Variants in CATSPERB observed in about 807,000 individuals in gnomAD.
CATSPERB encodes the protein catsper channel auxiliary subunit beta, also known as cation channel sperm-associated auxiliary subunit beta.
A neutral mutation model predicts 128.3 loss-of-function variants in CATSPERB; 93 were observed. The observed-to-expected ratio is 0.72, with a 90% CI of 0.61 to 0.86. The LOEUF (loss-of-function observed/expected upper bound fraction) is 0.86. CATSPERB is among the 40% of genes least tolerant of loss of function. The pLI is 0.00. For missense variants in CATSPERB, 1,153 were observed against 1,329.5 expected (o/e 0.87, Z 2.06); for synonymous variants, 381 against 448.8 (o/e 0.85, Z 1.91).
chr14:91,625,107 A>T (rs538467180), intron 17 of CATSPERB, 100 bp from the exon 18 acceptor site: 1 of 669,860 alleles, frequency 1.5e-6, no homozygotes, highest in South Asian at 2.5e-5. Context: ...ACCACAAATA[A>T]CTAACAAATA....
chr14:91,581,155 CA>C, intron 26 of CATSPERB, 48 bp from the exon 27 acceptor site: 1 of 1,452,216 alleles, frequency 6.9e-7, no homozygotes, highest in South Asian at 1.2e-5. Flanking sequence ...TTTAGCAATG[CA>C]AAACACTGAA....
intron 12 of CATSPERB, 115 bp downstream of exon 12, chr14:91,674,061 G>T (rs1312205126): frequency 6.3e-6 from 4 of 633,686 alleles, no homozygotes; most frequent in Middle Eastern, 2.6e-4. Context: ...GGAGCAAAGA[G>T]TGATTGTGAA....
At chr14:91,646,490 T>C (rs1743122) in intron 15 of CATSPERB, among the ~76,000 whole-genome samples, 27,949 of 152,116 alleles carry the variant, frequency 0.18, 2,739 homozygotes, top group South Asian at 0.23. Context: ...TCATCCACTC[T>C]CCTCATCAAA....
At chr14:91,683,441 C>T (rs1240544674) in intron 11 of CATSPERB, among the ~76,000 whole-genome samples, 1 of 152,140 alleles carries the variant, frequency 6.6e-6, no homozygotes, top group Non-Finnish European at 1.5e-5. Flanking sequence ...TTGCTTTTAG[C>T]CTTGAAAGCA....
At chr14:91,641,369 G>C (rs1309139688) in intron 15 of CATSPERB, among the ~76,000 whole-genome samples, 1 of 149,576 alleles carries the variant, frequency 6.7e-6, no homozygotes, top group African/African-American at 2.4e-5. Context: ...TATGGTTTTA[G>C]GTCTAACGTT....
intron 14 of CATSPERB, among the ~76,000 whole-genome samples, chr14:91,664,913 C>G (rs1704688): frequency 0.58 from 88,340 of 151,946 alleles, 26,196 homozygotes; most frequent in African/African-American, 0.66. Flanking sequence ...TGTGTGAGAT[C>G]AGGTCTTACT....
At position 91,589,571 on chromosome 14, in the gene CATSPERB, A is replaced by G; in HGVS notation, c.2919T>C (p.Thr973=). ...RVPLQSPYLV[T]VTEVNMRHNW... ...TGTGCCTCATGTTCACTTCAGTCACAGTAACCAGATATGGAGATTGCAATG... is the reference window on the plus strand; with the variant it reads ...TGTGCCTCATGTTCACTTCAGTCACGGTAACCAGATATGGAGATTGCAATG... The change falls in exon 24 of 27, where the codon ACT becomes ACC. Residue 973 remains threonine (T), a synonymous_variant. Coordinates refer to ENST00000256343, the MANE Select transcript of CATSPERB (RefSeq NM_024764.4). 1 of 1,614,032 alleles carries G rather than the reference A, an allele frequency of 6.2e-7. No homozygotes were observed.
At chr14:91,630,348 C>T (rs1179329184) in intron 17 of CATSPERB, among the ~76,000 whole-genome samples, 1 of 152,146 alleles carries the variant, frequency 6.6e-6, no homozygotes, top group Non-Finnish European at 1.5e-5. Flanking sequence ...GGTAGAATCA[C>T]CCATCTGTAT....
At chr14:91,718,668 C>T (rs1895981257) in intron 5 of CATSPERB, among the ~76,000 whole-genome samples, 1 of 152,176 alleles carries the variant, frequency 6.6e-6, no homozygotes, top group Admixed American at 6.5e-5. Context: ...TATAGATTTA[C>T]AGAAAATACA....
At chr14:91,621,519 T>A in intron 19 of CATSPERB, 89 bp downstream of exon 19, 3 of 1,068,490 alleles carry the variant, frequency 2.8e-6, no homozygotes, top group Non-Finnish European at 4.0e-6. Context: ...GAACCAAGGA[T>A]AAAGTCAGTC....
At chr14:91,675,687 C>T (rs1381697238) in intron 11 of CATSPERB, among the ~76,000 whole-genome samples, 6 of 152,164 alleles carry the variant, frequency 3.9e-5, no homozygotes, top group Non-Finnish European at 8.8e-5. Context: ...ATGTGATCTA[C>T]ATTTGGGCCC....
At position 91,669,698 on chromosome 14, in the gene CATSPERB, C is replaced by T. The variant is rs1429376871; in HGVS notation, c.1287+116G>A. 5 of 977,250 alleles carry T rather than the reference C, an allele frequency of 5.1e-6. No homozygotes were observed. The Admixed American group carries it at 8.8e-5, about 17-fold the overall frequency. The allele number at this position is 977,250 out of a possible 1,614,324, so 60.5% of individuals were successfully genotyped here. A position where few individuals can be genotyped will look rare whatever the true frequency, so the allele number is the denominator to read the frequency against. ...AAATAGTCAATAAATATTGTCTTCC[C>T]TCCCACTGCCATCTCTAGGTCATCA... On this transcript the variant is annotated intron_variant, in intron 14 of 26. Coordinates refer to ENST00000256343, the MANE Select transcript of CATSPERB (RefSeq NM_024764.4).
At chr14:91,583,300 T>C (rs1407046970) in intron 26 of CATSPERB, among the ~76,000 whole-genome samples, 1 of 151,026 alleles carries the variant, frequency 6.6e-6, no homozygotes, top group Non-Finnish European at 1.5e-5. Context: ...GTGCCTGTAG[T>C]CCCCGCTACT....
Position 91,636,400 on chromosome 14 carries a change from C to T in CATSPERB, c.1742+25G>A, listed in dbSNP as rs747929435. 16 of 1,600,676 alleles carry T rather than the reference C, an allele frequency of 1.0e-5. 1 individual carries two copies. The highest frequency in any genetic ancestry group is 8.9e-5 in the South Asian group (8 of 90,158). On this transcript the variant is annotated intron_variant, in intron 17 of 26. Transcript: ENST00000256343. ...AAGTAGATTCTAGAAACCAATATGC[C>T]ATCTAAATAAATGCATATCACTACC...
At chr14:91,603,798 A>T (rs1893649727) in intron 22 of CATSPERB, among the ~76,000 whole-genome samples, 1 of 152,166 alleles carries the variant, frequency 6.6e-6, no homozygotes, top group Non-Finnish European at 1.5e-5. Context: ...TATCACGAGA[A>T]CAGCACTAGT....
At chr14:91,723,011 T>C (rs1896059218) in intron 4 of CATSPERB, 38 bp downstream of exon 4, 1 of 1,408,098 alleles carries the variant, frequency 7.1e-7, no homozygotes, top group Non-Finnish European at 9.4e-7. Context: ...ATGCTTCTTG[T>C]TAATAACATA....
rs529159586 is a variant in CATSPERB, at chr14:91,700,357, G to T, written c.616+4195C>A. 3.9e-5 allele frequency among the ~76,000 whole-genome samples: 6 copies of T among 152,192 alleles called. No individual in the cohort carries two copies. The East Asian group carries it at 1.2e-3, about 29-fold the overall frequency. ...TCTGTCTACATTCATCAAAATATTGGCTTCTAGTTTTCTTTTTTTGTTGTG... is the reference window on the plus strand; with the variant it reads ...TCTGTCTACATTCATCAAAATATTGTCTTCTAGTTTTCTTTTTTTGTTGTG... On this transcript the variant is annotated intron_variant, in intron 7 of 26. Transcript: ENST00000256343.
intron 6 of CATSPERB, among the ~76,000 whole-genome samples, chr14:91,705,907 G>T (rs1895724820): frequency 6.6e-6 from 1 of 152,108 alleles, no homozygotes; most frequent in African/African-American, 2.4e-5. Flanking sequence ...TGGAGCTAAA[G>T]TCGAATTTTC....
rs754990956 is a variant in CATSPERB, at chr14:91,581,100, A to G, written c.3140T>C (p.Val1047Ala). ...CNLIEEFQIY[V>A]DEAPLPFPGH... ...TGGGAATGGCAATGGTGCCTCATCA[A>G]CATAAATCTGCAACAGAAAAAGCAA... The change falls in exon 27 of 27, where the codon GTT (valine) becomes GCT (alanine). Residue 1047 changes from valine to alanine, a missense_variant. Transcript: ENST00000256343. 3.1e-6 allele frequency: 5 copies of G among 1,612,904 alleles called. No individual in the cohort carries two copies. The highest frequency in any genetic ancestry group is 4.2e-6 in the Non-Finnish European group (5 of 1,179,484).
Sources: gnomAD v4.1 joint callset for allele counts (sites outside exome capture counted in the v4.1 genomes callset) on GRCh38, gnomAD v4.1.1 for gene constraint, MANE v1.5 for transcripts, NCBI Gene and HGNC (gene_info 2026-07-23, HGNC 2026-07-21) for gene names.